Variants in NEU3 observed in about 807,000 individuals in gnomAD.
NEU3 encodes neuraminidase 3.
In NEU3, 10 loss-of-function variants were observed where a neutral mutation model predicts 11.4. The ratio of observed to expected loss-of-function variants is 0.88; its 90% CI spans 0.54 to 1.49. NEU3 has a LOEUF of 1.49. NEU3 is among the 40% of genes most tolerant of loss of function. The pLI is 0.00. For missense variants in NEU3, 529 were observed against 581.8 expected (o/e 0.91, Z 0.93); for synonymous variants, 212 against 228.2 (o/e 0.93, Z 0.64).
At chr11:74,994,422 C>A in intron 1 of NEU3, 87 bp from the exon 2 acceptor site, 1 of 1,055,052 alleles carries the variant, frequency 9.5e-7, no homozygotes, top group Non-Finnish European at 1.4e-6. Flanking sequence ...CACCTTTGCT[C>A]TCCAGAAGTG....
chr11:75,002,231 T>G (rs2140246751), intron 2 of NEU3, among the ~76,000 whole-genome samples: 1 of 152,318 alleles, frequency 6.6e-6, no homozygotes, highest in South Asian at 2.1e-4. Flanking sequence ...AAAAAAATGT[T>G]TTGTAGAGAT....
upstream of NEU3, among the ~76,000 whole-genome samples, chr11:74,987,104 T>C (rs1948672215): frequency 6.6e-6 from 1 of 152,232 alleles, no homozygotes; most frequent in Admixed American, 6.5e-5. Flanking sequence ...GACAAAATGA[T>C]GAAATTCTAT....
chr11:75,006,482 A>G lies in NEU3; in HGVS notation c.1376A>G (p.Lys459Arg). 2 of 1,608,792 alleles carry G rather than the reference A, an allele frequency of 1.2e-6. No individual in the cohort carries two copies. Among genetic ancestry groups the G allele is most frequent in the South Asian group, 1.1e-5 (1 of 90,492 alleles). ...TSPGRNPSQF[K>R]SN ...CCTGGTAGGAACCCAAGCCAATTCA[A>G]AAGCAATTAATTGGCTTAGGACCCA... The change falls in exon 3 of 3, where the codon AAA becomes AGA. Residue 459 changes from lysine to arginine, a missense_variant. By Grantham distance (26) the Lys-to-Arg change is conservative. Transcript: ENST00000294064.
At chr11:74,985,655 A>C (rs1337235221), upstream of NEU3, among the ~76,000 whole-genome samples, 1 of 152,242 alleles carries the variant, frequency 6.6e-6, no homozygotes, top group African/African-American at 2.4e-5. Context: ...AAATAAGGAC[A>C]CATCTGGATC....
chr11:75,006,655 G>A lies in NEU3; in HGVS notation c.*163G>A. The A allele has an allele frequency of 1.3e-6, 1 of 750,842 alleles. No individual in the cohort carries two copies. Among genetic ancestry groups the A allele is most frequent in the Non-Finnish European group, 2.1e-6 (1 of 480,664 alleles). The allele number at this position is 750,842 out of a possible 1,614,324, so 46.5% of individuals were successfully genotyped here. ...AAATGAAAATTTTGCCTTAGCTACT[G>A]CAGTGGAAAGAGCACTGAACTAGGA... On this transcript the variant is annotated 3_prime_UTR_variant, in exon 3 of 3. Coordinates refer to ENST00000294064, the MANE Select transcript of NEU3 (RefSeq NM_006656.6).
downstream of NEU3, chr11:75,018,953 G>T: frequency 6.5e-6 from 1 of 154,424 alleles, no homozygotes. Context: ...GAACTTGTTG[G>T]TAAATAGAGC....
Position 74,994,629 on chromosome 11 carries a change from T to C in NEU3, c.215T>C (p.Leu72Pro), listed in dbSNP as rs768221197. 1 of 1,613,988 alleles carries C rather than the reference T, an allele frequency of 6.2e-7. No homozygotes were observed. The highest frequency in any genetic ancestry group is 8.5e-7 in the Non-Finnish European group (1 of 1,179,850). ...LLYIPPTHTF[L>P]AFAEKRSTRR... ...TACATACCCCCCACCCACACCTTCC[T>C]GGCCTTTGCAGAGAAGCGTTCTACG... is the stretch of plus-strand genomic sequence containing the variant. Residue 72 changes from leucine to proline, a missense_variant, in exon 2 of 3, where the codon CTG becomes CCG. Coordinates refer to ENST00000294064, the MANE Select transcript of NEU3 (RefSeq NM_006656.6).
downstream of NEU3, among the ~76,000 whole-genome samples, chr11:75,019,283 A>G (rs1361778819): frequency 3.9e-5 from 6 of 152,212 alleles, no homozygotes; most frequent in Admixed American, 3.3e-4. Context: ...CCCCAAGACA[A>G]TGGGGAAAAT....
chr11:75,018,085 T>C (rs537314029), intron 3 of NEU3, among the ~76,000 whole-genome samples: 2 of 152,128 alleles, frequency 1.3e-5, no homozygotes, highest in Admixed American at 1.3e-4. Context: ...ACCCACTGCC[T>C]TTTTTAACTA....
chr11:74,993,722 C>T (rs1055284176), intron 1 of NEU3, among the ~76,000 whole-genome samples: 1 of 152,206 alleles, frequency 6.6e-6, no homozygotes, highest in Non-Finnish European at 1.5e-5. Flanking sequence ...ATCCAAGGTC[C>T]AGAGGCCACA....
upstream of NEU3, among the ~76,000 whole-genome samples, chr11:74,984,366 A>G (rs1470582689): frequency 6.6e-6 from 1 of 152,196 alleles, no homozygotes; most frequent in African/African-American, 2.4e-5. Flanking sequence ...AAGGCACTTC[A>G]TTACATGTGC....
rs2140237671 is a variant in NEU3, at chr11:74,994,644, A to G, written c.230A>G (p.Lys77Arg). ...PTHTFLAFAE[K>R]RSTRRDEDAL... ...CACACCTTCCTGGCCTTTGCAGAGAAGCGTTCTACGAGGAGAGATGAGGAT... is the reference window on the plus strand; with the variant it reads ...CACACCTTCCTGGCCTTTGCAGAGAGGCGTTCTACGAGGAGAGATGAGGAT... Residue 77 changes from lysine to arginine, a missense_variant, in exon 2 of 3, where the codon AAG becomes AGG. Physicochemically the swap from Lys to Arg is conservative, Grantham distance 26 (BLOSUM62 2). Transcript: ENST00000294064. The G allele has an allele frequency of 6.2e-7, 1 of 1,614,004 alleles. No individual in the cohort carries two copies.
chr11:75,001,196 AT>A (rs765667664), intron 2 of NEU3, among the ~76,000 whole-genome samples: 1 of 147,390 alleles, frequency 6.8e-6, no homozygotes, highest in Non-Finnish European at 1.5e-5. Context: ...TTTTAGTTGT[AT>A]TTCCCCATTA....
chr11:74,992,352 G>C (rs866618274), intron 1 of NEU3, among the ~76,000 whole-genome samples: 4 of 152,204 alleles, frequency 2.6e-5, no homozygotes, highest in African/African-American at 7.2e-5. Context: ...TTTCTTGAGA[G>C]CAGGAACCTC....
At chr11:74,984,782 T>A (rs182616402), upstream of NEU3, among the ~76,000 whole-genome samples, 9 of 152,292 alleles carry the variant, frequency 5.9e-5, no homozygotes, top group Admixed American at 1.3e-4. Flanking sequence ...TGTCAGACAC[T>A]TAGACAATCT....
chr11:74,994,771 G>T (rs767654941), intron 2 of NEU3, 51 bp downstream of exon 2: 8 of 1,494,688 alleles, frequency 5.4e-6, no homozygotes, highest in Non-Finnish European at 7.5e-6. Flanking sequence ...TCTTCACAAA[G>T]CTCAGAGCTC....
chr11:74,991,741 A>G (rs534738318), intron 1 of NEU3, among the ~76,000 whole-genome samples: 2 of 152,222 alleles, frequency 1.3e-5, no homozygotes, highest in African/African-American at 4.8e-5. Flanking sequence ...TCTGTTGCCT[A>G]TAGGCTTTTC....
upstream of NEU3, among the ~76,000 whole-genome samples, chr11:74,984,387 T>C (rs563463872): frequency 6.6e-6 from 1 of 152,342 alleles, no homozygotes; most frequent in South Asian, 2.1e-4. Flanking sequence ...AGGTATCATC[T>C]GGCTCTCTGC....
At position 74,994,731 on chromosome 11, in the gene NEU3, ATCC is replaced by A. The variant is rs1948770505; in HGVS notation, c.306+12_306+14del. ...GGGCAGTTGGTACAGGTGACTCTTC[ATCC>A]CAGATCTGAGTCTGGGCCTCAGTTT... On this transcript the variant is annotated intron_variant, in intron 2 of 2. Transcript: ENST00000294064. 2.5e-6 allele frequency: 4 copies of A among 1,610,698 alleles called. No individual in the cohort carries two copies. The highest frequency in any genetic ancestry group is 1.6e-4 in the Middle Eastern group (1 of 6,078).
Sources: allele counts gnomAD v4.1 joint callset (sites outside exome capture counted in the v4.1 genomes callset), GRCh38; gene constraint gnomAD v4.1.1; transcripts MANE v1.5; gene names NCBI Gene and HGNC (gene_info 2026-07-23, HGNC 2026-07-21).